CASP2: variants seen among roughly 807,000 people sequenced by gnomAD.
CASP2 encodes the protein caspase-2.
In CASP2, 38 loss-of-function variants were observed where a neutral mutation model predicts 54.4. The observed-to-expected ratio is 0.70, with a 90% CI of 0.54 to 0.92. The LOEUF (loss-of-function observed/expected upper bound fraction) is 0.92. Among genes scored for constraint, CASP2 ranks in the 40% least tolerant of loss-of-function variants. The probability of loss-of-function intolerance (pLI) is 0.00; values close to 1 mark genes in which losing one functional copy is unlikely to be tolerated. For synonymous variants in CASP2, 215 were observed against 216.3 expected, an observed-to-expected ratio of 0.99 and a Z score of 0.05; for missense variants, 512 against 579.6, an observed-to-expected ratio of 0.88 and a Z score of 1.20.
At position 143,296,104 on chromosome 7, in the gene CASP2, A is replaced by C. The variant is rs190925709; in HGVS notation, c.747+1331A>C. Among the ~76,000 whole-genome samples, 12 of 152,222 alleles carry C rather than the reference A, an allele frequency of 7.9e-5. No individual in the cohort carries two copies. The South Asian group carries it at 1.2e-3, about 16-fold the overall frequency. On this transcript the variant is annotated intron_variant, in intron 6 of 10. Transcript: ENST00000310447. ...TACATGTCTAATAGTTAAAGATAAAATACTGAGTCACTAAGTCAACTATAT... is the reference window on the plus strand; with the variant it reads ...TACATGTCTAATAGTTAAAGATAAACTACTGAGTCACTAAGTCAACTATAT...
intron 6 of CASP2, among the ~76,000 whole-genome samples, chr7:143,295,522 T>G (rs1177725531): frequency 6.6e-6 from 1 of 152,258 alleles, no homozygotes; most frequent in Non-Finnish European, 1.5e-5. Context: ...AGATTCATAT[T>G]CACTCTTTAT....
chr7:143,292,798 G>A, intron 4 of CASP2, 100 bp downstream of exon 4: 3 of 925,660 alleles, frequency 3.2e-6, no homozygotes, highest in South Asian at 1.3e-5. Flanking sequence ...ATCACCTGAG[G>A]TCAGGAGTTC....
chr7:143,296,401 C>T (rs995495955), intron 6 of CASP2, among the ~76,000 whole-genome samples: 8 of 152,236 alleles, frequency 5.3e-5, no homozygotes, highest in African/African-American at 1.9e-4. Context: ...ATATTCCTAA[C>T]GACCAAACAA....
chr7:143,299,883 C>A, intron 6 of CASP2, 40 bp from the exon 7 acceptor site: 3 of 1,613,048 alleles, frequency 1.9e-6, no homozygotes, highest in African/African-American at 1.3e-5. Context: ...TATGTTGGTG[C>A]TGACCTTAGT....
intron 2 of CASP2, among the ~76,000 whole-genome samples, chr7:143,291,892 C>T (rs1466123142): frequency 2.1e-5 from 3 of 145,516 alleles, no homozygotes; most frequent in Non-Finnish European, 4.5e-5. Context: ...GATTCTCCTG[C>T]CTCAGCCTCC....
At chr7:143,298,319 A>G (rs910459291) in intron 6 of CASP2, among the ~76,000 whole-genome samples, 44 of 152,230 alleles carry the variant, frequency 2.9e-4, no homozygotes, top group African/African-American at 9.9e-4. Flanking sequence ...CAAGTTTATA[A>G]TAAAATGAAC....
intron 1 of CASP2, among the ~76,000 whole-genome samples, chr7:143,289,920 C>T (rs1011610091): frequency 6.6e-6 from 1 of 152,100 alleles, no homozygotes; most frequent in Non-Finnish European, 1.5e-5. Context: ...TCTTAGTTCT[C>T]CCAGTTCTTC....
intron 1 of CASP2, chr7:143,290,789 G>A (rs1424726023): frequency 6.6e-6 from 1 of 152,500 alleles, no homozygotes; most frequent in Non-Finnish European, 1.5e-5. Flanking sequence ...GTTGCCTAAG[G>A]AAGGGTGAAC....
intron 8 of CASP2, chr7:143,302,729 G>A (rs1011925276): frequency 1.3e-5 from 2 of 152,270 alleles, no homozygotes; most frequent in African/African-American, 4.8e-5. Flanking sequence ...TACTTTTGAT[G>A]TGTTGACCTG....
At chr7:143,301,337 G>A (rs1044651633) in intron 8 of CASP2, 1 of 151,852 alleles carries the variant, frequency 6.6e-6, no homozygotes, top group African/African-American at 2.4e-5. Context: ...TAGTATTACC[G>A]CAGAATATAG....
intron 4 of CASP2, chr7:143,293,090 G>A (rs1163738317): frequency 1.6e-6 from 1 of 633,160 alleles, no homozygotes; most frequent in South Asian, 1.9e-5. Context: ...ATCTGGCTTT[G>A]TCCTAACATG....
rs1460916461 is a variant in CASP2, at chr7:143,304,799, C to T, written c.1227+16C>T. 14 of 1,609,852 alleles carry T rather than the reference C, an allele frequency of 8.7e-6. No homozygotes were observed. Among genetic ancestry groups the T allele is most frequent in the Non-Finnish European group, 1.2e-5 (14 of 1,176,216 alleles). On this transcript the variant is annotated intron_variant, in intron 10 of 10. Transcript: ENST00000310447. ...GCTGGTTAAGGTGAGCCAGCGGGCT[C>T]CGTGACCCCTGTGTGTCTCCACAGT...
At chr7:143,300,868 C>T (rs915066749) in intron 8 of CASP2, 53 of 1,125,626 alleles carry the variant, frequency 4.7e-5, no homozygotes, top group Non-Finnish European at 5.6e-5. Flanking sequence ...TTCTCTCATG[C>T]AGTCTGTTTT....
intron 6 of CASP2, among the ~76,000 whole-genome samples, chr7:143,295,044 T>TA (rs1554430514): frequency 4.0e-5 from 6 of 151,564 alleles, no homozygotes; most frequent in African/African-American, 1.5e-4. Context: ...TTTTTTTTTT[T>TA]AAAGACAGAG....
chr7:143,294,542 C>G, intron 5 of CASP2, 55 bp from the exon 6 acceptor site: 1 of 1,498,510 alleles, frequency 6.7e-7, no homozygotes, highest in Non-Finnish European at 9.3e-7. Flanking sequence ...CTAATCTAGC[C>G]GAGGAATCAT....
intron 8 of CASP2, chr7:143,300,504 C>T: frequency 6.3e-7 from 1 of 1,585,352 alleles, no homozygotes; most frequent in Non-Finnish European, 8.5e-7. Context: ...TCAGGCTGGT[C>T]AGCTCTCCGT....
chr7:143,295,246 T>G (rs1801710063), intron 6 of CASP2, among the ~76,000 whole-genome samples: 1 of 152,212 alleles, frequency 6.6e-6, no homozygotes, highest in Non-Finnish European at 1.5e-5. Flanking sequence ...CAGGCTGGTC[T>G]CAAACTCCTG....
Position 143,288,468 on chromosome 7 carries a change from A to G in CASP2, c.13A>G (p.Ser5Gly), listed in dbSNP as rs1464580628. The change falls in exon 1 of 11, where the codon AGC becomes GGC. Residue 5 changes from serine to glycine, a missense_variant. Ser to Gly is a moderately conservative substitution (Grantham distance 56, BLOSUM62 0). Around this residue, in one of 3 missense-constraint regions of CASP2, gnomAD observed 89 missense variants for 67.1 expected, o/e 1.33. Coordinates refer to ENST00000310447, the MANE Select transcript of CASP2 (RefSeq NM_032982.4). MAAP[S>G]AGSWSTFQHK... is the part of the protein sequence containing the mutation. The stretch of plus-strand genomic sequence containing the variant: ...GGAAAAGCGGGAAATGGCGGCGCCG[A>G]GCGCGGGGTCTTGGTCCACCTTCCA... The G allele has an allele frequency of 6.2e-7, 1 of 1,613,054 alleles. No homozygotes were observed. The highest frequency in any genetic ancestry group is 1.7e-5 in the Admixed American group (1 of 60,012).
chr7:143,296,786 A>G (rs1801767163), intron 6 of CASP2, among the ~76,000 whole-genome samples: 1 of 152,254 alleles, frequency 6.6e-6, no homozygotes, highest in South Asian at 2.1e-4. Flanking sequence ...TTCTTACTTA[A>G]GAGAGGAATT....
Sources: gnomAD v4.1 joint callset for allele counts (sites outside exome capture counted in the v4.1 genomes callset) on GRCh38, gnomAD v4.1.1 for gene constraint, gnomAD v4.1.1 regional missense constraint, MANE v1.5 for transcripts, NCBI Gene and HGNC (gene_info 2026-07-23, HGNC 2026-07-21) for gene names.